EXTL3: variants seen among roughly 807,000 people sequenced by gnomAD.
EXTL3 encodes exostosin like glycosyltransferase 3.
In EXTL3, 27 loss-of-function variants were observed where a neutral mutation model predicts 69.3. The ratio of observed to expected loss-of-function variants is 0.39; its 90% CI spans 0.29 to 0.54. The LOEUF (loss-of-function observed/expected upper bound fraction) is 0.54. EXTL3 is among the 20% of genes least tolerant of loss of function. EXTL3 has a pLI of 0.69. For missense variants in EXTL3, 1,003 were observed against 1,231.8 expected (o/e 0.81, Z 2.78); for synonymous variants, 511 against 499.4 (o/e 1.02, Z -0.31).
At chr8:28,688,401 G>T (rs1180611122) in intron 1 of EXTL3, among the ~76,000 whole-genome samples, 1 of 152,094 alleles carries the variant, frequency 6.6e-6, no homozygotes, top group East Asian at 1.9e-4. Context: ...TGATGATGAT[G>T]ACAGCAGTTG....
At chr8:28,622,617 C>T (rs1239295373), upstream of EXTL3, 3 of 45,958 alleles carry the variant, frequency 6.5e-5, no homozygotes, top group Non-Finnish European at 1.4e-4. Context: ...GCGGGGTATT[C>T]GGGGGGCGGA....
intron 1 of EXTL3, among the ~76,000 whole-genome samples, chr8:28,632,993 C>T (rs552670431): frequency 3.3e-5 from 5 of 152,188 alleles, no homozygotes; most frequent in African/African-American, 9.6e-5. Context: ...TGTCTGTTTT[C>T]GTAGTCCATG....
intron 1 of EXTL3, among the ~76,000 whole-genome samples, chr8:28,659,052 G>A (rs888366182): frequency 3.3e-5 from 5 of 152,162 alleles, no homozygotes; most frequent in Non-Finnish European, 5.9e-5. Flanking sequence ...ACGGCTGAAG[G>A]ATAAATTCCC....
chr8:28,685,598 G>A (rs1807564222), intron 1 of EXTL3, among the ~76,000 whole-genome samples: 1 of 152,050 alleles, frequency 6.6e-6, no homozygotes, highest in Admixed American at 6.6e-5. Context: ...AAAGGGCTGG[G>A]ATTACAGGCA....
chr8:28,674,071 TTTTG>T (rs56245235), intron 1 of EXTL3, among the ~76,000 whole-genome samples: 12 of 150,840 alleles, frequency 8.0e-5, no homozygotes, highest in South Asian at 2.1e-4. Context: ...ATATGATACC[TTTTG>T]TTTGTTTGTT....
At chr8:28,676,519 A>G (rs762906836) in intron 1 of EXTL3, among the ~76,000 whole-genome samples, 1 of 152,244 alleles carries the variant, frequency 6.6e-6, no homozygotes, top group Non-Finnish European at 1.5e-5. Context: ...GAACTGTGCA[A>G]CATTTTGGTA....
At chr8:28,755,930 A>G (rs10095449), downstream of EXTL3, among the ~76,000 whole-genome samples, 37,961 of 152,066 alleles carry the variant, frequency 0.25, 4,709 homozygotes, top group Middle Eastern at 0.26. Context: ...GGAGCGTCCC[A>G]TCTACCCATG....
intron 4 of EXTL3, 59 bp from the exon 5 acceptor site, chr8:28,737,460 A>G: frequency 1.9e-6 from 3 of 1,596,128 alleles, no homozygotes; most frequent in East Asian, 2.2e-5. Flanking sequence ...AACTGTGAAC[A>G]CTTCTGATGA....
At chr8:28,663,582 G>C (rs1337307768) in intron 1 of EXTL3, among the ~76,000 whole-genome samples, 1 of 152,034 alleles carries the variant, frequency 6.6e-6, no homozygotes, top group Non-Finnish European at 1.5e-5. Flanking sequence ...CTCCTGAGTA[G>C]CTAGAATTAC....
chr8:28,662,057 G>A (rs746214510), intron 1 of EXTL3, among the ~76,000 whole-genome samples: 19 of 151,738 alleles, frequency 1.3e-4, no homozygotes, highest in Non-Finnish European at 2.5e-4. Flanking sequence ...GTGTATAGAT[G>A]TATGTGTATA....
chr8:28,738,727 T>C (rs904379932), intron 5 of EXTL3, among the ~76,000 whole-genome samples: 4 of 152,246 alleles, frequency 2.6e-5, no homozygotes, highest in African/African-American at 9.6e-5. Context: ...TCCCCACATC[T>C]GTGCTTTGGC....
intron 1 of EXTL3, among the ~76,000 whole-genome samples, chr8:28,633,156 T>C (rs1183004087): frequency 6.6e-6 from 1 of 151,236 alleles, no homozygotes; most frequent in African/African-American, 2.4e-5. Context: ...CTGGGTAACA[T>C]AGCAAGACCC....
chr8:28,709,297 C>T (rs925631758), intron 1 of EXTL3, among the ~76,000 whole-genome samples: 5 of 152,004 alleles, frequency 3.3e-5, no homozygotes, highest in Non-Finnish European at 7.4e-5. Flanking sequence ...TAGGTTTAAC[C>T]CGGCATACAG....
chr8:28,653,340 A>G (rs777193530), intron 1 of EXTL3, among the ~76,000 whole-genome samples: 2 of 152,194 alleles, frequency 1.3e-5, no homozygotes, highest in Non-Finnish European at 2.9e-5. Context: ...CTCTCTTGAT[A>G]GTGTCCATTG....
intron 1 of EXTL3, chr8:28,631,268 C>T (rs924069284): frequency 2.0e-5 from 3 of 151,696 alleles, no homozygotes; most frequent in Non-Finnish European, 4.4e-5. Context: ...GTTTTTATAC[C>T]ACGGCACTCT....
In EXTL3 at chr8:28,743,080, T is replaced by A; in HGVS notation, c.2422-6T>A. On this transcript the variant is annotated splice_region_variant and splice_polypyrimidine_tract_variant and intron_variant, in intron 5 of 6. Transcript: ENST00000220562. ...GAGCATGTGGTTCTTTTTCTTCCCC[T>A]GACAGTATTATGCCTACCTGTATTC... The A allele has an allele frequency of 6.2e-7, 1 of 1,614,092 alleles. No individual in the cohort carries two copies.
At chr8:28,654,481 C>G (rs1478254602) in intron 1 of EXTL3, among the ~76,000 whole-genome samples, 1 of 151,976 alleles carries the variant, frequency 6.6e-6, no homozygotes, top group Non-Finnish European at 1.5e-5. Context: ...TGGGCTCAAG[C>G]AATTCTCCTA....
intron 1 of EXTL3, among the ~76,000 whole-genome samples, chr8:28,658,010 G>T (rs1807039132): frequency 6.6e-6 from 1 of 152,198 alleles, no homozygotes. Flanking sequence ...GAGCCCGCTG[G>T]CAAGAGGGCA....
intron 1 of EXTL3, among the ~76,000 whole-genome samples, chr8:28,633,001 A>C (rs1197451463): frequency 6.6e-6 from 1 of 152,200 alleles, no homozygotes; most frequent in African/African-American, 2.4e-5. Context: ...TTCGTAGTCC[A>C]TGAGCTAAGA....
Sources: gnomAD v4.1 joint callset for allele counts (sites outside exome capture counted in the v4.1 genomes callset) on GRCh38, gnomAD v4.1.1 for gene constraint, MANE v1.5 for transcripts, NCBI Gene and HGNC (gene_info 2026-07-23, HGNC 2026-07-21) for gene names.